The following GIT2 variants were observed in gnomAD, a reference collection of about 807,000 sequenced individuals.
GIT2 encodes the protein GIT ArfGAP 2.
Under a neutral mutation model 100.3 loss-of-function variants are expected in GIT2, and 32 were observed. That is an observed-to-expected ratio of 0.32 (90% CI 0.24 to 0.43). GIT2 has a LOEUF of 0.43. GIT2 is among the 20% of genes least tolerant of loss of function. The pLI is 1.00. For missense variants in GIT2, 737 were observed against 975.1 expected, an observed-to-expected ratio of 0.76 and a Z score of 3.25; for synonymous variants, 353 against 364.1, an observed-to-expected ratio of 0.97 and a Z score of 0.35.
intron 18 of GIT2, among the ~76,000 whole-genome samples, chr12:109,935,495 G>A (rs983453777): frequency 6.6e-6 from 1 of 152,054 alleles, no homozygotes; most frequent in Non-Finnish European, 1.5e-5. Context: ...TCCGCCTCCC[G>A]GCTTCAAGCA....
chr12:109,930,990 T>C lies in GIT2; in HGVS notation c.*1988A>G, dbSNP rs2136102407. 1 of 152,184 alleles carries C rather than the reference T, an allele frequency of 6.6e-6. No homozygotes were observed. The highest frequency in any genetic ancestry group is 1.9e-4 in the East Asian group (1 of 5,174). The allele number at this position is 152,184 out of a possible 1,614,324, so 9.4% of individuals were successfully genotyped here. A position where few individuals can be genotyped will look rare whatever the true frequency, so the allele number is the denominator to read the frequency against. ...CACTTAGGGCTGTGGGACAAACAAG[T>C]GGAAGAGTCTTTTGGAGACGTGGAC... On this transcript the variant is annotated 3_prime_UTR_variant, in exon 20 of 20. Coordinates refer to ENST00000355312, the MANE Select transcript of GIT2 (RefSeq NM_057169.5).
intron 12 of GIT2, among the ~76,000 whole-genome samples, chr12:109,955,333 A>G (rs1879121317): frequency 6.6e-6 from 1 of 152,082 alleles, no homozygotes. Flanking sequence ...TCACCGTGTT[A>G]GCCAGGAAGG....
intron 9 of GIT2, 34 bp from the exon 10 acceptor site, chr12:109,961,719 A>G: frequency 8.2e-7 from 1 of 1,212,558 alleles, no homozygotes. Flanking sequence ...CACAAGGGAC[A>G]ATGATTAATG....
At chr12:109,984,487 T>C (rs1438938287) in intron 4 of GIT2, among the ~76,000 whole-genome samples, 1 of 151,838 alleles carries the variant, frequency 6.6e-6, no homozygotes, top group Non-Finnish European at 1.5e-5. Flanking sequence ...TGCTCTGTCA[T>C]CCAGGCTGGA....
intron 7 of GIT2, among the ~76,000 whole-genome samples, chr12:109,976,105 T>TACACACACACAC (rs145928011): frequency 0.037 from 5,542 of 149,070 alleles, 129 homozygotes; most frequent in African/African-American, 0.058. Context: ...GAAATTACTA[T>TACACACACACAC]ACACACACAC....
chr12:109,938,642 G>A (rs1873712781), intron 17 of GIT2, 74 bp from the exon 18 acceptor site: 2 of 1,033,774 alleles, frequency 1.9e-6, no homozygotes, highest in Non-Finnish European at 1.4e-6. Flanking sequence ...GAGCCACTTT[G>A]TATGCACTGG....
At chr12:109,945,411 T>C in intron 15 of GIT2, 62 bp from the exon 16 acceptor site, 1 of 811,450 alleles carries the variant, frequency 1.2e-6, no homozygotes, top group East Asian at 2.6e-5. Flanking sequence ...CCTACCACCT[T>C]GCCAGCTTCA....
intron 8 of GIT2, chr12:109,967,187 T>C (rs1882724276): frequency 1.5e-6 from 1 of 658,688 alleles, no homozygotes; most frequent in Non-Finnish European, 2.6e-6. Flanking sequence ...ATTCTGTAAA[T>C]AAATAAATAC....
At chr12:109,991,068 G>A (rs1322971304) in intron 2 of GIT2, among the ~76,000 whole-genome samples, 3 of 152,180 alleles carry the variant, frequency 2.0e-5, no homozygotes, top group Non-Finnish European at 4.4e-5. Flanking sequence ...CCAGCACTTC[G>A]AGAGAGGTTG....
rs1593183383 is a variant in GIT2 at position 109,996,343 on chromosome 12, C to T, written c.-119G>A. 1.4e-5 allele frequency: 9 copies of T among 660,102 alleles called. No individual in the cohort carries two copies. Among genetic ancestry groups the T allele is most frequent in the Non-Finnish European group, 2.3e-5 (9 of 398,586 alleles). The allele number at this position is 660,102 out of a possible 1,614,324, so 40.9% of individuals were successfully genotyped here. A position where few individuals can be genotyped will look rare whatever the true frequency, so the allele number is the denominator to read the frequency against. ...GGCGGCGCTGACGGCGGCGCCTCTCCCCTCAGCGCCTTGCAGCCTTGGCAC... is the reference window on the plus strand; with the variant it reads ...GGCGGCGCTGACGGCGGCGCCTCTCTCCTCAGCGCCTTGCAGCCTTGGCAC... On this transcript the variant is annotated 5_prime_UTR_variant, in exon 1 of 20. Transcript: ENST00000355312.
chr12:109,985,192 T>C (rs966440005), intron 4 of GIT2, among the ~76,000 whole-genome samples: 1 of 152,124 alleles, frequency 6.6e-6, no homozygotes, highest in Non-Finnish European at 1.5e-5. Context: ...AGGACTGAAC[T>C]CCTTGGCTCA....
chr12:109,945,375 C>T (rs1202360140), intron 15 of GIT2, 26 bp from the exon 16 acceptor site: 4 of 1,172,304 alleles, frequency 3.4e-6, no homozygotes, highest in East Asian at 2.4e-5. Flanking sequence ...GAAACACACT[C>T]GGGAAAATAC....
chr12:109,972,742 C>T (rs564409115), intron 7 of GIT2, among the ~76,000 whole-genome samples: 9 of 152,196 alleles, frequency 5.9e-5, no homozygotes, highest in African/African-American at 1.9e-4. Context: ...GGATTACAGG[C>T]GTGAGCCACT....
chr12:109,983,098 T>C (rs551020451), intron 6 of GIT2: 11 of 315,700 alleles, frequency 3.5e-5, no homozygotes, highest in Admixed American at 9.0e-5. Flanking sequence ...TAATTCTTGA[T>C]ACTTGATTTG....
At chr12:109,936,868 C>CAAA (rs112015119) in intron 18 of GIT2, among the ~76,000 whole-genome samples, 2 of 91,732 alleles carry the variant, frequency 2.2e-5, no homozygotes, top group Non-Finnish European at 5.2e-5. Context: ...GACTCTGTCT[C>CAAA]AAAAAAAAAA....
chr12:109,942,379 G>A (rs1485640891), intron 16 of GIT2, among the ~76,000 whole-genome samples: 7 of 152,108 alleles, frequency 4.6e-5, no homozygotes, highest in Non-Finnish European at 8.8e-5. Flanking sequence ...CCAGGCTGGA[G>A]TGCAGTGGTG....
At chr12:109,983,029 A>G (rs897525073) in intron 6 of GIT2, 3 of 202,466 alleles carry the variant, frequency 1.5e-5, no homozygotes, top group African/African-American at 4.7e-5. Context: ...CTATGTATAT[A>G]TTTGCTTTTA....
chr12:109,961,227 T>C (rs370225617), intron 11 of GIT2, 51 bp downstream of exon 11: 3 of 986,770 alleles, frequency 3.0e-6, no homozygotes, highest in African/African-American at 3.2e-5. Flanking sequence ...AAATGAAACA[T>C]GACATCAGCC....
At chr12:109,973,404 G>A (rs377683681) in intron 7 of GIT2, among the ~76,000 whole-genome samples, 1 of 152,158 alleles carries the variant, frequency 6.6e-6, no homozygotes. Context: ...GCCTCCCAAA[G>A]TGCTGGGATT....
Sources: gnomAD v4.1 joint callset for allele counts (sites outside exome capture counted in the v4.1 genomes callset) on GRCh38, gnomAD v4.1.1 for gene constraint, MANE v1.5 for transcripts, NCBI Gene and HGNC (gene_info 2026-07-23, HGNC 2026-07-21) for gene names.